The following OR2L13 variants were observed in gnomAD, a reference collection of about 807,000 sequenced individuals.
OR2L13 encodes the protein olfactory receptor family 2 subfamily L member 13, also known as olfactory receptor 2L13.
OR2L13 carries 14 observed loss-of-function variants against 15.3 expected under a neutral mutation model. That is an observed-to-expected ratio of 0.91 (90% CI 0.60 to 1.43). OR2L13 has a LOEUF of 1.43. Among genes scored for constraint, OR2L13 ranks in the 40% most tolerant of loss-of-function variants. OR2L13 has a pLI of 0.00. For synonymous variants in OR2L13, 152 were observed against 142.9 expected (o/e 1.06, Z -0.45); for missense variants, 367 against 387.9 (o/e 0.95, Z 0.45).
chr1:248,054,298 T>C, the OR2L13 span, among the ~76,000 whole-genome samples: 2 of 152,204 alleles, frequency 1.3e-5, no homozygotes, highest in African/African-American at 2.4e-5. Context: ...GAGTTTTCTA[T>C]TCTGTTCCAT....
At chr1:248,004,674 C>T in the OR2L13 span, among the ~76,000 whole-genome samples, 3 of 152,188 alleles carry the variant, frequency 2.0e-5, no homozygotes, top group Admixed American at 2.0e-4. Flanking sequence ...AATGATTGAA[C>T]ATCAGGTATA....
chr1:248,093,700 C>T (rs550118020), upstream of OR2L13, among the ~76,000 whole-genome samples: 85 of 152,084 alleles, frequency 5.6e-4, 1 homozygote, highest in African/African-American at 1.8e-3. Context: ...ACTTTAGTTC[C>T]GGTTCCATCC....
the OR2L13 span, among the ~76,000 whole-genome samples, chr1:248,014,267 C>T: frequency 6.6e-6 from 1 of 151,944 alleles, no homozygotes; most frequent in African/African-American, 2.4e-5. Context: ...TATTAGGAGG[C>T]CATTAAAGTA....
the OR2L13 span, among the ~76,000 whole-genome samples, chr1:248,009,984 C>G: frequency 4.4e-4 from 67 of 152,148 alleles, no homozygotes; most frequent in African/African-American, 1.5e-3. Flanking sequence ...GCTAAAAACT[C>G]TCAATAAGCT....
At chr1:248,084,184 G>C in the OR2L13 span, 1 of 1,611,798 alleles carries the variant, frequency 6.2e-7, no homozygotes, top group Non-Finnish European at 8.5e-7. Context: ...CTCAGGCACA[G>C]CTGCCAGCTC....
At chr1:248,084,487 A>G in the OR2L13 span, 321 of 1,612,584 alleles carry the variant, frequency 2.0e-4, 1 homozygote, top group African/African-American at 3.7e-3. Context: ...ATTGCCAAAC[A>G]GGGAGGTCAA....
At chr1:248,078,800 A>G in the OR2L13 span, among the ~76,000 whole-genome samples, 1 of 152,218 alleles carries the variant, frequency 6.6e-6, no homozygotes, top group Non-Finnish European at 1.5e-5. Flanking sequence ...AAAAAGAACA[A>G]ATTATTGACA....
the OR2L13 span, chr1:248,039,070 C>T: frequency 2.8e-5 from 46 of 1,614,126 alleles, no homozygotes; most frequent in East Asian, 5.3e-4. Flanking sequence ...CGATCTCCAA[C>T]AGAGGACAAG....
the OR2L13 span, among the ~76,000 whole-genome samples, chr1:247,969,238 G>A: frequency 6.6e-6 from 1 of 151,726 alleles, no homozygotes; most frequent in Admixed American, 6.6e-5. Flanking sequence ...ATAGATTCTG[G>A]GTATTAGCCC....
the OR2L13 span, among the ~76,000 whole-genome samples, chr1:247,973,703 A>C: frequency 3.9e-4 from 60 of 152,342 alleles, 1 homozygote; most frequent in Non-Finnish European, 2.9e-4. Flanking sequence ...GTCATTAGAG[A>C]AATGCAAATC....
At chr1:248,093,364 C>G (rs932903271), upstream of OR2L13, among the ~76,000 whole-genome samples, 2 of 152,116 alleles carry the variant, frequency 1.3e-5, no homozygotes, top group South Asian at 4.1e-4. Context: ...ATTGGACTTT[C>G]CTCAAGTCAC....
the OR2L13 span, among the ~76,000 whole-genome samples, chr1:248,004,520 C>T: frequency 1.1e-4 from 16 of 152,282 alleles, no homozygotes; most frequent in South Asian, 2.1e-4. Context: ...AGACACTTAA[C>T]GTACCAGTTA....
At chr1:247,952,187 A>C in the OR2L13 span, among the ~76,000 whole-genome samples, 1 of 152,202 alleles carries the variant, frequency 6.6e-6, no homozygotes, top group African/African-American at 2.4e-5. Flanking sequence ...GAAACCATGC[A>C]TGGAGCCCTT....
the OR2L13 span, chr1:248,084,149 C>T: frequency 1.2e-6 from 2 of 1,611,056 alleles, no homozygotes; most frequent in Non-Finnish European, 1.7e-6. Context: ...CAGCTGCACC[C>T]AGGAGCCAGG....
the OR2L13 span, among the ~76,000 whole-genome samples, chr1:248,019,655 G>A: frequency 1.3e-5 from 2 of 152,016 alleles, no homozygotes; most frequent in Admixed American, 6.6e-5. Flanking sequence ...ACTCAGTTTC[G>A]TTTCCAAAAA....
At chr1:247,977,164 A>G in the OR2L13 span, among the ~76,000 whole-genome samples, 1 of 152,212 alleles carries the variant, frequency 6.6e-6, no homozygotes, top group Non-Finnish European at 1.5e-5. Flanking sequence ...ACATGCCCAG[A>G]TGATGCTCTT....
the OR2L13 span, chr1:248,061,231 G>T: frequency 6.2e-7 from 1 of 1,611,182 alleles, no homozygotes; most frequent in Non-Finnish European, 8.5e-7. Flanking sequence ...CCCAGCAATG[G>T]TGACTCTGGC....
At chr1:248,061,195 G>C in the OR2L13 span, 1 of 1,612,176 alleles carries the variant, frequency 6.2e-7, no homozygotes, top group Admixed American at 1.7e-5. Context: ...CCAATCCAGG[G>C]CCATCAATCA....
At chr1:247,996,112 C>G in the OR2L13 span, among the ~76,000 whole-genome samples, 1 of 152,170 alleles carries the variant, frequency 6.6e-6, no homozygotes, top group African/African-American at 2.4e-5. Flanking sequence ...TTCAGCTGAC[C>G]TACGATTGTT....
Sources: gnomAD v4.1 joint callset for allele counts (sites outside exome capture counted in the v4.1 genomes callset) on GRCh38, gnomAD v4.1.1 for gene constraint, MANE v1.5 for transcripts, NCBI Gene and HGNC (gene_info 2026-07-23, HGNC 2026-07-21) for gene names.